CISD1: variants seen among roughly 807,000 people sequenced by gnomAD.
CISD1 encodes the protein CDGSH iron-sulfur domain-containing protein 1.
In CISD1, 8 loss-of-function variants were observed where a neutral mutation model predicts 12.0. The ratio of observed to expected loss-of-function variants is 0.67; its 90% CI spans 0.39 to 1.20. The LOEUF (loss-of-function observed/expected upper bound fraction) is 1.20, where lower values mean the gene tolerates loss of function less well. Ranked by LOEUF, CISD1 falls within the 50% of genes most tolerant of loss-of-function variation. The pLI is 0.01. For synonymous variants in CISD1, 38 were observed against 42.2 expected (o/e 0.90, Z 0.39); for missense variants, 107 against 132.7 (o/e 0.81, Z 0.95).
At chr10:58,277,539 C>T (rs1839328837) in intron 2 of CISD1, among the ~76,000 whole-genome samples, 1 of 151,832 alleles carries the variant, frequency 6.6e-6, no homozygotes, top group Non-Finnish European at 1.5e-5. Flanking sequence ...GTGCCTCAGC[C>T]ACCGAGTAGC....
intron 2 of CISD1, among the ~76,000 whole-genome samples, chr10:58,282,297 C>T (rs1039748119): frequency 9.9e-5 from 15 of 152,146 alleles, no homozygotes; most frequent in Non-Finnish European, 1.9e-4. Flanking sequence ...AGGCTTCCCT[C>T]GGTGTCCATG....
chr10:58,277,864 T>G (rs998800044), intron 2 of CISD1, among the ~76,000 whole-genome samples: 1 of 152,090 alleles, frequency 6.6e-6, no homozygotes, highest in African/African-American at 2.4e-5. Flanking sequence ...GTAAAAATTT[T>G]TTTTGAGCTT....
Position 58,269,296 on chromosome 10 carries a change from G to T in CISD1, c.23G>T (p.Ser8Ile). Residue 8 changes from serine to isoleucine, a missense_variant, in exon 1 of 3, where the codon AGC becomes ATC. Ser to Ile is a moderately radical substitution (Grantham distance 142, BLOSUM62 -2). Coordinates refer to ENST00000333926, the MANE Select transcript of CISD1 (RefSeq NM_018464.5). ...GCCATGAGTCTGACTTCCAGTTCCA[G>T]CGTACGAGGTGAAGTGGGGCCTGGG... MSLTSSS[S>I]VRVEWIAAVT... 1 of 1,609,032 alleles carries T rather than the reference G, an allele frequency of 6.2e-7. No individual in the cohort carries two copies.
chr10:58,285,533 T>TA (rs1157300731), intron 2 of CISD1, among the ~76,000 whole-genome samples: 1 of 152,178 alleles, frequency 6.6e-6, no homozygotes, highest in African/African-American at 2.4e-5. Context: ...AGAGTGTAGA[T>TA]ACATTCAAAA....
Position 58,288,781 on chromosome 10 carries a change from A to G in CISD1, c.*1131A>G, listed in dbSNP as rs1018395256. The G allele has an allele frequency of 2.0e-5, 3 of 152,256 alleles. No individual in the cohort carries two copies. Among genetic ancestry groups the G allele is most frequent in the Admixed American group, 2.0e-4 (3 of 15,272 alleles). 9.4% of individuals were successfully genotyped at this position (152,256 alleles called of 1,614,324 possible). A position where few individuals can be genotyped will look rare whatever the true frequency, so the allele number is the denominator to read the frequency against. On this transcript the variant is annotated 3_prime_UTR_variant, in exon 3 of 3. Coordinates refer to ENST00000333926, the MANE Select transcript of CISD1 (RefSeq NM_018464.5). Reference sequence around the variant, plus strand: ...TAGGTTTTTGAATTTCATAGGTTAGAAGGAAAATCATGGCAAAATTTACAG... The same window carrying G: ...TAGGTTTTTGAATTTCATAGGTTAGGAGGAAAATCATGGCAAAATTTACAG...
At chr10:58,287,213 G>A (rs909305886) in intron 2 of CISD1, among the ~76,000 whole-genome samples, 12 of 152,298 alleles carry the variant, frequency 7.9e-5, no homozygotes, top group East Asian at 1.9e-4. Context: ...GAGCCATCGC[G>A]CCTGGCCGCA....
At chr10:58,284,493 C>T (rs1839407366) in intron 2 of CISD1, among the ~76,000 whole-genome samples, 1 of 152,124 alleles carries the variant, frequency 6.6e-6, no homozygotes, top group South Asian at 2.1e-4. Context: ...ATTATAAAGG[C>T]ATAAAAGCTT....
intron 2 of CISD1, among the ~76,000 whole-genome samples, chr10:58,285,189 G>A (rs964548756): frequency 1.3e-5 from 2 of 152,074 alleles, no homozygotes; most frequent in African/African-American, 4.8e-5. Context: ...CATTTACACT[G>A]CCCTCTACGA....
rs1025008046 is a variant in CISD1, at chr10:58,284,969, T to A, written c.238-2592T>A. Among the ~76,000 whole-genome samples the A allele has an allele frequency of 2.0e-5, 3 of 152,330 alleles. No individual in the cohort carries two copies. The South Asian group carries it at 6.2e-4, about 32-fold the overall frequency. On this transcript the variant is annotated intron_variant, in intron 2 of 2. Coordinates refer to ENST00000333926, the MANE Select transcript of CISD1 (RefSeq NM_018464.5). ...CACTGTAAAATCATCTGTGTTTGTT[T>A]ATTAAACATATGTCACTTTGAAATG...
chr10:58,270,635 A>G (rs772511550), intron 1 of CISD1, among the ~76,000 whole-genome samples: 2 of 152,200 alleles, frequency 1.3e-5, no homozygotes, highest in Non-Finnish European at 2.9e-5. Context: ...TAGGTTGCAT[A>G]TTATTGAAAT....
At chr10:58,286,212 AAAAAAAAAGT>A (rs1839427436) in intron 2 of CISD1, among the ~76,000 whole-genome samples, 2 of 151,906 alleles carry the variant, frequency 1.3e-5, no homozygotes, top group African/African-American at 4.8e-5. Flanking sequence ...TTCAAAAAAA[AAAAAAAAAGT>A]AAAAAAAAGA....
At chr10:58,287,010 G>A (rs559635807) in intron 2 of CISD1, among the ~76,000 whole-genome samples, 6 of 152,044 alleles carry the variant, frequency 3.9e-5, no homozygotes, top group Admixed American at 6.6e-5. Flanking sequence ...TCGGCTCACC[G>A]CAACTTCCCC....
intron 2 of CISD1, among the ~76,000 whole-genome samples, chr10:58,286,131 G>A (rs530677290): frequency 1.3e-5 from 2 of 151,646 alleles, no homozygotes; most frequent in African/African-American, 4.8e-5. Context: ...CGTGAACCCA[G>A]GAGGCGGAGC....
chr10:58,277,333 CA>C lies in CISD1; in HGVS notation c.237+13del. The C allele has an allele frequency of 6.5e-7, 1 of 1,542,948 alleles. No homozygotes were observed. The highest frequency in any genetic ancestry group is 8.8e-7 in the Non-Finnish European group (1 of 1,136,100). Reference sequence around the variant, plus strand: ...TGGAGGTCCAAAAAGGTGAGGAAAGCAATTCCTTCATACAGTACCATTTTTA... The same window carrying C: ...TGGAGGTCCAAAAAGGTGAGGAAAGCATTCCTTCATACAGTACCATTTTTA... On this transcript the variant is annotated intron_variant, in intron 2 of 2. Transcript: ENST00000333926.
intron 2 of CISD1, among the ~76,000 whole-genome samples, chr10:58,284,587 T>G (rs1839408471): frequency 6.6e-6 from 1 of 152,158 alleles, no homozygotes. Context: ...TGTGTTTGCT[T>G]TTAAGAATAT....
intron 2 of CISD1, among the ~76,000 whole-genome samples, chr10:58,285,872 A>G (rs1253389082): frequency 2.0e-5 from 3 of 152,174 alleles, no homozygotes; most frequent in Non-Finnish European, 2.9e-5. Flanking sequence ...GGCAAAAAAC[A>G]TTCTCAAGCT....
intron 2 of CISD1, among the ~76,000 whole-genome samples, chr10:58,279,022 G>T (rs1588981503): frequency 6.6e-6 from 1 of 152,046 alleles, no homozygotes; most frequent in South Asian, 2.1e-4. Flanking sequence ...GTACTGACAT[G>T]TGAATACATG....
chr10:58,283,522 C>T (rs1375393052), intron 2 of CISD1, among the ~76,000 whole-genome samples: 1 of 152,130 alleles, frequency 6.6e-6, no homozygotes, highest in Admixed American at 6.5e-5. Flanking sequence ...AATCAAAACT[C>T]TAATACAAAG....
chr10:58,284,842 T>C (rs1564547687), intron 2 of CISD1, among the ~76,000 whole-genome samples: 1 of 152,186 alleles, frequency 6.6e-6, no homozygotes, highest in Non-Finnish European at 1.5e-5. Flanking sequence ...TTTAGAAATA[T>C]TTCATTTTTC....
Sources: gnomAD v4.1 joint callset for allele counts (sites outside exome capture counted in the v4.1 genomes callset) on GRCh38, gnomAD v4.1.1 for gene constraint, MANE v1.5 for transcripts, NCBI Gene and HGNC (gene_info 2026-07-23, HGNC 2026-07-21) for gene names.